Variants in HMCN1 observed in about 807,000 individuals in gnomAD.
HMCN1 encodes the protein hemicentin 1, also known as hemicentin-1.
A neutral mutation model predicts 625.9 loss-of-function variants in HMCN1; 321 were observed. That is an observed-to-expected ratio of 0.51 (90% CI 0.47 to 0.56). HMCN1 has a LOEUF of 0.56. HMCN1 is among the 20% of genes least tolerant of loss of function. The pLI, the probability that HMCN1 is intolerant of heterozygous loss-of-function variation, is 0.00. For synonymous variants in HMCN1, 2,425 were observed against 2,417.6 expected, an observed-to-expected ratio of 1.00 and a Z score of -0.09; for missense variants, 6,588 against 6,887.3, an observed-to-expected ratio of 0.96 and a Z score of 1.54.
rs1240281507 is a variant in HMCN1 at position 186,015,980 on chromosome 1, C to T, written c.4932C>T (p.Asn1644=). Residue 1644 remains asparagine, a synonymous_variant, in exon 32 of 107, where the codon AAC becomes AAT. Transcript: ENST00000271588. Reference sequence around the variant, plus strand: ...TAGTTCCTCCAATGATTGAAGGCAACTTGGCCACGCCTTTGAATAAGCAAG... The same window carrying T: ...TAGTTCCTCCAATGATTGAAGGCAATTTGGCCACGCCTTTGAATAAGCAAG... ...DVYVPPMIEG[N]LATPLNKQVV... is the part of the protein sequence containing the mutation. 6.2e-7 allele frequency: 1 copy of T among 1,613,368 alleles called. No individual in the cohort carries two copies. The highest frequency in any genetic ancestry group is 8.5e-7 in the Non-Finnish European group (1 of 1,179,440).
chr1:185,828,113 G>T (rs920801828), intron 1 of HMCN1, among the ~76,000 whole-genome samples: 13 of 152,082 alleles, frequency 8.5e-5, no homozygotes, highest in Non-Finnish European at 1.6e-4. Flanking sequence ...TGTCTAAAAA[G>T]TATACAACAA....
chr1:186,003,252 T>A (rs529795197), intron 28 of HMCN1, among the ~76,000 whole-genome samples: 4 of 152,158 alleles, frequency 2.6e-5, no homozygotes, highest in African/African-American at 7.2e-5. Flanking sequence ...TTATTTTTCA[T>A]GTTATATTGC....
chr1:186,032,077 C>G (rs942793275), intron 36 of HMCN1, among the ~76,000 whole-genome samples: 1 of 151,062 alleles, frequency 6.6e-6, no homozygotes, highest in Non-Finnish European at 1.5e-5. Context: ...ATGAATTAAA[C>G]TAAAAACCTT....
chr1:186,073,669 T>A (rs553040218), intron 52 of HMCN1, among the ~76,000 whole-genome samples: 13 of 151,924 alleles, frequency 8.6e-5, no homozygotes, highest in Middle Eastern at 3.2e-3. Context: ...TTGAGAGTTT[T>A]ATACAAGGAA....
intron 1 of HMCN1, among the ~76,000 whole-genome samples, chr1:185,831,712 A>G (rs944214887): frequency 2.0e-5 from 3 of 152,202 alleles, no homozygotes; most frequent in Non-Finnish European, 4.4e-5. Context: ...AAATACAACC[A>G]TTCAGAACGT....
At chr1:185,950,345 G>A (rs1668582948) in intron 11 of HMCN1, among the ~76,000 whole-genome samples, 1 of 151,812 alleles carries the variant, frequency 6.6e-6, no homozygotes, top group Admixed American at 6.6e-5. Context: ...GTGATTTTGA[G>A]AGCCTCTAAA....
chr1:185,917,124 A>G (rs994303277), intron 6 of HMCN1, among the ~76,000 whole-genome samples: 3 of 152,132 alleles, frequency 2.0e-5, no homozygotes, highest in African/African-American at 7.2e-5. Context: ...GGGAGCTAGG[A>G]ATCAGCTATG....
chr1:185,865,665 A>G (rs1467210497), intron 3 of HMCN1, 76 bp from the exon 4 acceptor site: 1 of 1,269,458 alleles, frequency 7.9e-7, no homozygotes, highest in African/African-American at 1.5e-5. Flanking sequence ...AATGTAACAC[A>G]ATAGGTAGTC....
Position 185,850,266 on chromosome 1 carries a change from GA to G in HMCN1, c.339+4174del, listed in dbSNP as rs143014100. 2.4e-3 allele frequency among the ~76,000 whole-genome samples: 361 copies of G among 152,252 alleles called. 1 individual carries two copies. Among genetic ancestry groups the G allele is most frequent in the African/African-American group, 8.3e-3 (344 of 41,546 alleles). On this transcript the variant is annotated intron_variant, in intron 2 of 106. Transcript: ENST00000271588. ...TATTTAAACTTTACTTGATGGTACA[GA>G]AAATACCCGAAAAACCTAACCATCA...
intron 106 of HMCN1, 125 bp from the exon 107 acceptor site, chr1:186,189,387 G>A (rs1031607952): frequency 1.1e-4 from 111 of 971,186 alleles, no homozygotes; most frequent in South Asian, 3.0e-4. Context: ...GAGTCTTACC[G>A]CTTTTACAGC....
chr1:186,001,412 A>T lies in HMCN1; in HGVS notation c.4184A>T (p.Tyr1395Phe), dbSNP rs748435040. ...EGTPSPIIMW[Y>F]KDNVQVTESS... is the part of the protein sequence containing the mutation. Reference sequence around the variant, plus strand: ...ACTCCATCTCCCATCATTATGTGGTATAAAGATAATGTCCAGGTAAATAGA... The same window carrying T: ...ACTCCATCTCCCATCATTATGTGGTTTAAAGATAATGTCCAGGTAAATAGA... Residue 1395 changes from tyrosine (Y) to phenylalanine (F), a missense_variant, in exon 27 of 107, where the codon TAT (tyrosine) becomes TTT (phenylalanine). Around this residue, in one of 3 missense-constraint regions of HMCN1, gnomAD observed 4,628 missense variants for 4,853.1 expected, o/e 0.95. Coordinates refer to ENST00000271588, the MANE Select transcript of HMCN1 (RefSeq NM_031935.3). 6.8e-6 allele frequency: 11 copies of T among 1,612,466 alleles called. No individual in the cohort carries two copies. The East Asian group carries it at 2.2e-4, about 33-fold the overall frequency.
intron 55 of HMCN1, among the ~76,000 whole-genome samples, chr1:186,078,831 A>G (rs1489128226): frequency 6.6e-6 from 1 of 152,244 alleles, no homozygotes; most frequent in African/African-American, 2.4e-5. Flanking sequence ...CCAAATCACC[A>G]TCTGAATGCA....
At chr1:185,759,722 G>A (rs757493143) in intron 1 of HMCN1, among the ~76,000 whole-genome samples, 2 of 150,756 alleles carry the variant, frequency 1.3e-5, no homozygotes, top group Non-Finnish European at 3.0e-5. Flanking sequence ...TTTTTTTAAT[G>A]AACTGATCAA....
intron 11 of HMCN1, among the ~76,000 whole-genome samples, chr1:185,948,289 C>A (rs189497104): frequency 3.1e-4 from 47 of 152,244 alleles, no homozygotes; most frequent in Middle Eastern, 3.4e-3. Flanking sequence ...TCATGCGTGT[C>A]CATGTGAACA....
chr1:186,105,188 G>A (rs932616982), intron 69 of HMCN1, among the ~76,000 whole-genome samples: 5 of 152,098 alleles, frequency 3.3e-5, no homozygotes, highest in Admixed American at 2.0e-4. Flanking sequence ...ATGTCTAGGG[G>A]AGAAAAATGA....
chr1:185,935,583 C>T (rs1018900056), intron 11 of HMCN1, among the ~76,000 whole-genome samples: 2 of 151,486 alleles, frequency 1.3e-5, no homozygotes, highest in African/African-American at 4.9e-5. Context: ...ATATAATACA[C>T]AAAACATAAA....
chr1:185,782,534 C>A (rs1374789593), intron 1 of HMCN1, among the ~76,000 whole-genome samples: 1 of 152,176 alleles, frequency 6.6e-6, no homozygotes, highest in Non-Finnish European at 1.5e-5. Flanking sequence ...TCTTTTAGGG[C>A]AGGCCTGGTG....
intron 3 of HMCN1, 54 bp from the exon 4 acceptor site, chr1:185,865,687 T>G: frequency 6.6e-7 from 1 of 1,526,246 alleles, no homozygotes; most frequent in East Asian, 2.3e-5. Context: ...ATACACATAT[T>G]TTTTTATTTC....
intron 4 of HMCN1, among the ~76,000 whole-genome samples, chr1:185,886,642 T>C (rs576189724): frequency 2.0e-5 from 3 of 152,258 alleles, no homozygotes; most frequent in Non-Finnish European, 4.4e-5. Context: ...GTTTTACATA[T>C]GGAATGTATC....
Sources: allele counts gnomAD v4.1 joint callset (sites outside exome capture counted in the v4.1 genomes callset), GRCh38; gene constraint gnomAD v4.1.1; regional missense constraint gnomAD v4.1.1; transcripts MANE v1.5; gene names NCBI Gene and HGNC (gene_info 2026-07-23, HGNC 2026-07-21).